Variants in PARD3 observed in about 807,000 individuals in gnomAD.
PARD3 encodes par-3 family cell polarity regulator.
A neutral mutation model predicts 155.4 loss-of-function variants in PARD3; 75 were observed. The observed-to-expected ratio is 0.48, with a 90% CI of 0.40 to 0.58. PARD3 has a LOEUF of 0.58. PARD3 is among the 20% of genes least tolerant of loss of function. The pLI, the probability that PARD3 is intolerant of heterozygous loss-of-function variation, is 0.00. For synonymous variants in PARD3, 576 were observed against 610.5 expected (o/e 0.94, Z 0.83); for missense variants, 1,642 against 1,721.7 (o/e 0.95, Z 0.82).
At chr10:34,376,016 A>G (rs1841195905) in intron 10 of PARD3, among the ~76,000 whole-genome samples, 1 of 152,224 alleles carries the variant, frequency 6.6e-6, no homozygotes, top group Non-Finnish European at 1.5e-5. Flanking sequence ...CTTTTCAGGA[A>G]GCAGAACCCT....
chr10:34,773,203 C>T (rs1415603558), intron 1 of PARD3, among the ~76,000 whole-genome samples: 1 of 152,230 alleles, frequency 6.6e-6, no homozygotes, highest in African/African-American at 2.4e-5. Context: ...GCTTGCCCCA[C>T]AACTAATAAC....
intron 4 of PARD3, among the ~76,000 whole-genome samples, chr10:34,459,881 C>T (rs12264066): frequency 0.03 from 4,504 of 152,198 alleles, 221 homozygotes; most frequent in African/African-American, 0.1. Flanking sequence ...TGGATGGATG[C>T]GTAGAAGAAT....
At chr10:34,407,106 T>C (rs1284328404) in intron 5 of PARD3, among the ~76,000 whole-genome samples, 1 of 152,316 alleles carries the variant, frequency 6.6e-6, no homozygotes, top group East Asian at 1.9e-4. Flanking sequence ...AGCAGACATT[T>C]AGGGAGAAAG....
intron 3 of PARD3, among the ~76,000 whole-genome samples, chr10:34,485,337 CAAA>C (rs35292075): frequency 7.1e-6 from 1 of 139,912 alleles, no homozygotes. Flanking sequence ...GACTCTGTCT[CAAA>C]AAAAAAAAAA....
At chr10:34,277,212 T>C (rs1480959034) in intron 21 of PARD3, among the ~76,000 whole-genome samples, 1 of 152,152 alleles carries the variant, frequency 6.6e-6, no homozygotes, top group East Asian at 1.9e-4. Flanking sequence ...AAATTTAAGC[T>C]ACAAAACAAC....
At chr10:34,173,862 G>A (rs748653897) in intron 22 of PARD3, among the ~76,000 whole-genome samples, 5 of 152,166 alleles carry the variant, frequency 3.3e-5, no homozygotes, top group Non-Finnish European at 7.3e-5. Flanking sequence ...AAATGAAGAA[G>A]TTTAACTGGT....
chr10:34,714,955 G>T (rs912866804), intron 1 of PARD3, among the ~76,000 whole-genome samples: 2 of 151,544 alleles, frequency 1.3e-5, no homozygotes, highest in East Asian at 1.9e-4. Flanking sequence ...TGTATTTTTT[G>T]TAGAGACGGC....
At chr10:34,764,976 G>T (rs959365251) in intron 1 of PARD3, among the ~76,000 whole-genome samples, 2 of 152,114 alleles carry the variant, frequency 1.3e-5, no homozygotes, top group Non-Finnish European at 1.5e-5. Flanking sequence ...ACGAAGTTAG[G>T]ATTAGGTCTC....
chr10:34,219,881 C>G (rs1952190419), intron 22 of PARD3, among the ~76,000 whole-genome samples: 1 of 152,166 alleles, frequency 6.6e-6, no homozygotes, highest in African/African-American at 2.4e-5. Flanking sequence ...ACCCTAAGAT[C>G]TTTCCAATCA....
At chr10:34,649,736 A>AC (rs1310129405) in intron 2 of PARD3, among the ~76,000 whole-genome samples, 1 of 152,236 alleles carries the variant, frequency 6.6e-6, no homozygotes, top group Admixed American at 6.5e-5. Flanking sequence ...AATTAAACTT[A>AC]GATTACTGTA....
intron 1 of PARD3, among the ~76,000 whole-genome samples, chr10:34,708,245 G>T (rs1027476944): frequency 6.8e-6 from 1 of 147,310 alleles, no homozygotes; most frequent in African/African-American, 2.5e-5. Flanking sequence ...TCTTTACAAC[G>T]CAATTGCACT....
chr10:34,761,812 A>C (rs374003930), intron 1 of PARD3, among the ~76,000 whole-genome samples: 3 of 152,322 alleles, frequency 2.0e-5, no homozygotes, highest in East Asian at 1.9e-4. Flanking sequence ...ATGAGTCCTA[A>C]AGGAACAAAG....
intron 2 of PARD3, among the ~76,000 whole-genome samples, chr10:34,660,204 C>T (rs939018430): frequency 2.0e-5 from 3 of 152,140 alleles, no homozygotes; most frequent in African/African-American, 7.2e-5. Flanking sequence ...CCCTGCCTCT[C>T]CCTCCATTGT....
At chr10:34,422,843 T>G (rs762253560) in intron 5 of PARD3, among the ~76,000 whole-genome samples, 10 of 152,228 alleles carry the variant, frequency 6.6e-5, no homozygotes, top group African/African-American at 9.6e-5. Flanking sequence ...GAATATAAAT[T>G]AGTACGGCTA....
chr10:34,681,758 ATATATATATATTTTTTTTTTTTTT>A (rs2093839082), intron 2 of PARD3, among the ~76,000 whole-genome samples: 1 of 20,104 alleles, frequency 5.0e-5, no homozygotes, highest in African/African-American at 2.7e-4. Context: ...ATATATATAT[ATATATATATATTTTTTTTTTTTTT>A]TTTTTTTTTT....
chr10:34,246,299 C>T (rs748234636), intron 22 of PARD3, among the ~76,000 whole-genome samples: 13 of 152,166 alleles, frequency 8.5e-5, no homozygotes, highest in Non-Finnish European at 1.6e-4. Flanking sequence ...TAACTTCCTA[C>T]TATAAGCAAC....
chr10:34,462,443 T>C (rs1413431792), intron 4 of PARD3, among the ~76,000 whole-genome samples: 1 of 152,160 alleles, frequency 6.6e-6, no homozygotes, highest in Non-Finnish European at 1.5e-5. Flanking sequence ...AAAAATAAAA[T>C]AAACTTTTAA....
chr10:34,352,743 T>C lies in PARD3; in HGVS notation c.2068-4628A>G, dbSNP rs555540755. On this transcript the variant is annotated intron_variant, in intron 14 of 24. Transcript: ENST00000374788. ...GCCTTGGCCTCCCAAAGTGCCGAGA[T>C]TGCAGCCTCTGCCCGGCCGCGACCC... is the stretch of plus-strand genomic sequence containing the variant. Among the ~76,000 whole-genome samples the C allele has an allele frequency of 2.6e-4, 39 of 152,328 alleles. No individual in the cohort carries two copies. In the South Asian group the frequency reaches 6.0e-3, roughly 23 times the overall value.
chr10:34,632,630 G>T, intron 2 of PARD3, among the ~76,000 whole-genome samples: 1 of 152,210 alleles, frequency 6.6e-6, no homozygotes, highest in East Asian at 1.9e-4. Flanking sequence ...TGCTGCTTTT[G>T]AGAGAAATTA....
Sources: gnomAD v4.1 joint callset for allele counts (sites outside exome capture counted in the v4.1 genomes callset) on GRCh38, gnomAD v4.1.1 for gene constraint, MANE v1.5 for transcripts, NCBI Gene and HGNC (gene_info 2026-07-23, HGNC 2026-07-21) for gene names.